MARCHF1: variants seen among roughly 807,000 people sequenced by gnomAD.
MARCHF1 encodes membrane associated ring-CH-type finger 1.
In MARCHF1, 40 loss-of-function variants were observed where a neutral mutation model predicts 54.2. The observed-to-expected ratio is 0.74, with a 90% CI of 0.57 to 0.96. The LOEUF is 0.96. MARCHF1 is among the 40% of genes least tolerant of loss of function. The probability of loss-of-function intolerance (pLI) is 0.00; values close to 1 mark genes in which losing one functional copy is unlikely to be tolerated. For synonymous variants in MARCHF1, 236 were observed against 236.3 expected (o/e 1.00, Z 0.01); for missense variants, 586 against 656.5 (o/e 0.89, Z 1.17).
chr4:163,711,767 G>T (rs978332573), intron 4 of MARCHF1, among the ~76,000 whole-genome samples: 4 of 152,066 alleles, frequency 2.6e-5, no homozygotes, highest in African/African-American at 9.7e-5. Context: ...CACCCATGGG[G>T]TATACAACTA....
intron 2 of MARCHF1, among the ~76,000 whole-genome samples, chr4:164,020,590 A>G (rs1050532307): frequency 1.3e-5 from 2 of 152,192 alleles, no homozygotes; most frequent in Non-Finnish European, 2.9e-5. Flanking sequence ...GGCCACTTAT[A>G]ATAAGCTCTG....
intron 4 of MARCHF1, among the ~76,000 whole-genome samples, chr4:163,788,125 A>G (rs1426129195): frequency 6.6e-6 from 1 of 151,968 alleles, no homozygotes; most frequent in African/African-American, 2.4e-5. Context: ...CGTGATGGAA[A>G]AAGTTAGAGA....
intron 1 of MARCHF1, among the ~76,000 whole-genome samples, chr4:164,339,224 G>T (rs1407977314): frequency 6.6e-6 from 1 of 152,088 alleles, no homozygotes; most frequent in Non-Finnish European, 1.5e-5. Context: ...AAACCAAGTG[G>T]ACCTCACAGA....
rs1036815715 is a variant in MARCHF1, at chr4:164,073,467, A to G, written c.-248+38121T>C. 2.0e-5 allele frequency among the ~76,000 whole-genome samples: 3 copies of G among 152,062 alleles called. No individual in the cohort carries two copies. The East Asian group carries it at 5.8e-4, about 30-fold the overall frequency. On this transcript the variant is annotated intron_variant, in intron 2 of 9. Coordinates refer to ENST00000514618, the MANE Select transcript of MARCHF1 (RefSeq NM_001394959.1). ...ACAAAGAGAACATATGGACACACGG[A>G]GGGGAACATCACACAGTGGGGCCTG...
intron 4 of MARCHF1, among the ~76,000 whole-genome samples, chr4:163,741,004 T>C (rs2111356830): frequency 6.6e-6 from 1 of 152,330 alleles, no homozygotes; most frequent in South Asian, 2.1e-4. Context: ...TGATACCTTC[T>C]CTATAGTCTC....
intron 3 of MARCHF1, among the ~76,000 whole-genome samples, chr4:163,912,679 G>C (rs1397694874): frequency 6.6e-6 from 1 of 152,038 alleles, no homozygotes; most frequent in Non-Finnish European, 1.5e-5. Flanking sequence ...TCTTCTTCTT[G>C]TTTGTGATAA....
rs1239255814 is a variant in MARCHF1 at position 164,091,407 on chromosome 4, G to GTT, written c.-248+20179_-248+20180dup. Among the ~76,000 whole-genome samples the GTT allele has an allele frequency of 2.5e-3, 110 of 43,622 alleles. 1 individual carries two copies. The highest frequency in any genetic ancestry group is 3.7e-3 in the Non-Finnish European group (61 of 16,378). The allele number at this position is 43,622 out of a possible 152,430, so 28.6% of individuals were successfully genotyped here. A position where few individuals can be genotyped will look rare whatever the true frequency, so the allele number is the denominator to read the frequency against. ...GACAACAGGGGATAATTTTCACCAA[G>GTT]TTTTATATATATATATATATATGTA... On this transcript the variant is annotated intron_variant, in intron 2 of 9. Coordinates refer to ENST00000514618, the MANE Select transcript of MARCHF1 (RefSeq NM_001394959.1).
chr4:163,673,344 G>A (rs1270200230), intron 5 of MARCHF1, among the ~76,000 whole-genome samples: 1 of 152,122 alleles, frequency 6.6e-6, no homozygotes, highest in Non-Finnish European at 1.5e-5. Flanking sequence ...TAATGCAGAT[G>A]CATTTTAATT....
chr4:164,057,756 T>C (rs180931167), intron 2 of MARCHF1, among the ~76,000 whole-genome samples: 108 of 152,332 alleles, frequency 7.1e-4, no homozygotes, highest in Admixed American at 4.0e-3. Context: ...ACTCCTTTCA[T>C]GTAAGAGGAA....
chr4:163,962,234 C>T (rs73001240), intron 3 of MARCHF1, among the ~76,000 whole-genome samples: 9,427 of 151,804 alleles, frequency 0.062, 541 homozygotes, highest in East Asian at 0.18. Flanking sequence ...ATTCATAATC[C>T]AGGTGGTCTT....
intron 4 of MARCHF1, among the ~76,000 whole-genome samples, chr4:163,835,468 T>A (rs1420334234): frequency 6.6e-6 from 1 of 152,212 alleles, no homozygotes; most frequent in African/African-American, 2.4e-5. Flanking sequence ...CCTAAACTTG[T>A]GCCAATCTCC....
intron 1 of MARCHF1, among the ~76,000 whole-genome samples, chr4:164,114,642 G>A (rs183878735): frequency 6.6e-6 from 1 of 151,378 alleles, no homozygotes; most frequent in East Asian, 1.9e-4. Context: ...TACAATAAAT[G>A]CAATAAGATT....
At chr4:163,824,381 C>A (rs914209959) in intron 4 of MARCHF1, among the ~76,000 whole-genome samples, 4 of 150,476 alleles carry the variant, frequency 2.7e-5, no homozygotes, top group South Asian at 4.3e-4. Flanking sequence ...GAAAAACAAG[C>A]AATGGGGAAA....
At chr4:163,732,666 A>G (rs1745878474) in intron 4 of MARCHF1, among the ~76,000 whole-genome samples, 1 of 152,212 alleles carries the variant, frequency 6.6e-6, no homozygotes, top group Admixed American at 6.5e-5. Flanking sequence ...TATTGTCAGC[A>G]GACTTCTCAT....
chr4:163,881,980 G>C (rs1019400009), intron 3 of MARCHF1, among the ~76,000 whole-genome samples: 2 of 152,286 alleles, frequency 1.3e-5, no homozygotes, highest in East Asian at 3.9e-4. Flanking sequence ...AAATCATAAA[G>C]TTCTTTGTCA....
At chr4:163,627,449 C>G (rs1741910758) in intron 5 of MARCHF1, among the ~76,000 whole-genome samples, 1 of 152,034 alleles carries the variant, frequency 6.6e-6, no homozygotes, top group Non-Finnish European at 1.5e-5. Flanking sequence ...CACACTTGAC[C>G]CTCTTTCTGC....
At position 164,091,671 on chromosome 4, in the gene MARCHF1, A is replaced by T. The variant is rs553553700; in HGVS notation, c.-248+19917T>A. On this transcript the variant is annotated intron_variant, in intron 2 of 9. Coordinates refer to ENST00000514618, the MANE Select transcript of MARCHF1 (RefSeq NM_001394959.1). ...GATCACCTATCTACAAGTAGTTTATAGTCAAATTGGAAATTATGCTCAAAA... is the reference window on the plus strand; with the variant it reads ...GATCACCTATCTACAAGTAGTTTATTGTCAAATTGGAAATTATGCTCAAAA... 4.9e-4 allele frequency among the ~76,000 whole-genome samples: 75 copies of T among 152,172 alleles called. No homozygotes were observed. The South Asian group carries it at 0.015, about 30-fold the overall frequency.
chr4:163,728,960 G>C (rs1163222051), intron 4 of MARCHF1, among the ~76,000 whole-genome samples: 1 of 152,034 alleles, frequency 6.6e-6, no homozygotes, highest in Non-Finnish European at 1.5e-5. Context: ...TCTATTCCTA[G>C]TTTTCTGGGA....
intron 4 of MARCHF1, among the ~76,000 whole-genome samples, chr4:163,812,359 A>C (rs546565912): frequency 1.3e-5 from 2 of 152,134 alleles, no homozygotes; most frequent in East Asian, 3.9e-4. Context: ...GTATATATAC[A>C]TATTGATTCT....
Sources: gnomAD v4.1 joint callset for allele counts (sites outside exome capture counted in the v4.1 genomes callset) on GRCh38, gnomAD v4.1.1 for gene constraint, MANE v1.5 for transcripts, NCBI Gene and HGNC (gene_info 2026-07-23, HGNC 2026-07-21) for gene names.